ZNF407: variants seen among roughly 807,000 people sequenced by gnomAD.
ZNF407 encodes zinc finger protein 407.
In ZNF407, 17 loss-of-function variants were observed where a neutral mutation model predicts 131.2. That is an observed-to-expected ratio of 0.13 (90% CI 0.09 to 0.19). The LOEUF (loss-of-function observed/expected upper bound fraction) is 0.19, where lower values mean the gene tolerates loss of function less well. ZNF407 is among the 10% of genes least tolerant of loss of function. The pLI is 1.00. For missense variants in ZNF407, 2,681 were observed against 2,830.6 expected (o/e 0.95, Z 1.20); for synonymous variants, 1,156 against 1,062.0 (o/e 1.09, Z -1.72).
At chr18:74,651,603 T>C (rs563353813) in intron 3 of ZNF407, among the ~76,000 whole-genome samples, 1 of 152,272 alleles carries the variant, frequency 6.6e-6, no homozygotes, top group Admixed American at 6.5e-5. Context: ...ACTTAATTAA[T>C]GGGATGCATA....
intron 8 of ZNF407, among the ~76,000 whole-genome samples, chr18:75,006,536 G>A (rs980519717): frequency 5.9e-5 from 9 of 151,974 alleles, no homozygotes; most frequent in East Asian, 3.9e-4. Flanking sequence ...AATTGTCCTC[G>A]TACCTCCTGA....
At chr18:74,835,135 A>C (rs1970537300) in intron 4 of ZNF407, among the ~76,000 whole-genome samples, 1 of 152,110 alleles carries the variant, frequency 6.6e-6, no homozygotes, top group Non-Finnish European at 1.5e-5. Flanking sequence ...TCCAGCTCAT[A>C]GTCTTTTTCC....
At chr18:74,803,556 A>G (rs1004544302) in intron 4 of ZNF407, among the ~76,000 whole-genome samples, 1 of 152,174 alleles carries the variant, frequency 6.6e-6, no homozygotes, top group African/African-American at 2.4e-5. Context: ...TTTTCTTCCT[A>G]TATTTTAGCA....
intron 1 of ZNF407, among the ~76,000 whole-genome samples, chr18:74,602,076 A>G (rs1982608248): frequency 6.6e-6 from 1 of 152,228 alleles, no homozygotes; most frequent in African/African-American, 2.4e-5. Flanking sequence ...TCTTGTGACT[A>G]GAACATCTCC....
At chr18:74,819,566 G>A (rs376894548) in intron 4 of ZNF407, among the ~76,000 whole-genome samples, 1 of 152,142 alleles carries the variant, frequency 6.6e-6, no homozygotes, top group Non-Finnish European at 1.5e-5. Context: ...TGGGTTTGCC[G>A]CTCACAGGAG....
chr18:74,975,434 G>A (rs555465880), intron 8 of ZNF407, among the ~76,000 whole-genome samples: 1 of 152,240 alleles, frequency 6.6e-6, no homozygotes, highest in East Asian at 1.9e-4. Context: ...AGTGATAATT[G>A]TATTTACCAG....
intron 4 of ZNF407, among the ~76,000 whole-genome samples, chr18:74,830,480 G>A (rs1004783338): frequency 1.2e-4 from 19 of 152,012 alleles, no homozygotes; most frequent in African/African-American, 4.6e-4. Flanking sequence ...GTCAATATGG[G>A]GTTTTGATAC....
Position 74,634,670 on chromosome 18 carries a change from T to C in ZNF407, c.3651T>C (p.His1217=). The change falls in exon 2 of 9, where the codon CAT becomes CAC. Residue 1217 remains histidine, a synonymous_variant. Coordinates refer to ENST00000299687, the MANE Select transcript of ZNF407 (RefSeq NM_017757.3). Reference sequence around the variant, plus strand: ...ATTGTGAGACAGCAAAGAAAAACCATGAGATATCGAATGATGCAGGTGAGC... The same window carrying C: ...ATTGTGAGACAGCAAAGAAAAACCACGAGATATCGAATGATGCAGGTGAGC... ...ALNCETAKKN[H]EISNDAGELR... is the part of the protein sequence containing the mutation. The C allele has an allele frequency of 1.2e-6, 2 of 1,609,236 alleles. No individual in the cohort carries two copies. The highest frequency in any genetic ancestry group is 1.7e-6 in the Non-Finnish European group (2 of 1,175,848).
At chr18:75,020,492 C>G (rs1396371985) in intron 8 of ZNF407, among the ~76,000 whole-genome samples, 1 of 152,110 alleles carries the variant, frequency 6.6e-6, no homozygotes, top group Non-Finnish European at 1.5e-5. Flanking sequence ...TTATTTTTCT[C>G]CTATCGGAAG....
intron 3 of ZNF407, among the ~76,000 whole-genome samples, chr18:74,730,403 C>T (rs1968267432): frequency 6.6e-6 from 1 of 152,182 alleles, no homozygotes; most frequent in Admixed American, 6.5e-5. Context: ...TTAACCCCTT[C>T]CTGTTGATAC....
intron 7 of ZNF407, among the ~76,000 whole-genome samples, chr18:74,910,957 C>T (rs1971662158): frequency 1.3e-5 from 2 of 152,122 alleles, no homozygotes; most frequent in South Asian, 4.1e-4. Context: ...TAGTGTGATC[C>T]TCATAGACCT....
At chr18:74,649,535 T>G (rs908067124) in intron 3 of ZNF407, among the ~76,000 whole-genome samples, 2 of 152,256 alleles carry the variant, frequency 1.3e-5, no homozygotes, top group Non-Finnish European at 2.9e-5. Flanking sequence ...GTTTAAATAT[T>G]AAAGACATTT....
At position 74,781,420 on chromosome 18, in the gene ZNF407, T is replaced by C; in HGVS notation, c.4803-8T>C. On this transcript the variant is annotated splice_polypyrimidine_tract_variant and splice_region_variant and intron_variant, in intron 3 of 8. Transcript: ENST00000299687. ...TTAGTTTTATAATTACTTTTGTTTA[T>C]TTTTTAGGGTTGCTTTTGTAATGAA... is the stretch of plus-strand genomic sequence containing the variant. The C allele has an allele frequency of 6.5e-7, 1 of 1,532,302 alleles. No homozygotes were observed. Among genetic ancestry groups the C allele is most frequent in the East Asian group, 2.5e-5 (1 of 40,188 alleles). 94.9% of individuals were successfully genotyped at this position (1,532,302 alleles called of 1,614,324 possible). A position where few individuals can be genotyped will look rare whatever the true frequency, so the allele number is the denominator to read the frequency against.
intron 4 of ZNF407, among the ~76,000 whole-genome samples, chr18:74,852,552 A>G (rs989322769): frequency 2.0e-5 from 3 of 152,102 alleles, no homozygotes; most frequent in Non-Finnish European, 4.4e-5. Context: ...GTAATTTAAT[A>G]TTTTGAGCTC....
At chr18:74,717,977 A>C (rs1967935766) in intron 3 of ZNF407, among the ~76,000 whole-genome samples, 1 of 152,136 alleles carries the variant, frequency 6.6e-6, no homozygotes, top group African/African-American at 2.4e-5. Flanking sequence ...TTTTATTTTA[A>C]TTTTAGACTG....
chr18:74,845,813 A>G (rs1449065513), intron 4 of ZNF407, among the ~76,000 whole-genome samples: 1 of 152,206 alleles, frequency 6.6e-6, no homozygotes, highest in Non-Finnish European at 1.5e-5. Context: ...GAGAATAAGT[A>G]AATCCATTCA....
chr18:74,647,569 A>G (rs1025032444), intron 3 of ZNF407, among the ~76,000 whole-genome samples: 6 of 151,888 alleles, frequency 4.0e-5, no homozygotes, highest in African/African-American at 1.2e-4. Flanking sequence ...TTTCTTGTTA[A>G]CCTTCCTCTC....
chr18:75,045,275 G>GT (rs1973421926), intron 8 of ZNF407, among the ~76,000 whole-genome samples: 1 of 152,178 alleles, frequency 6.6e-6, no homozygotes, highest in Admixed American at 6.5e-5. Context: ...CTAACTGGTG[G>GT]TAAGTTATTC....
At chr18:74,932,406 A>G (rs1056828016) in intron 8 of ZNF407, among the ~76,000 whole-genome samples, 9 of 152,314 alleles carry the variant, frequency 5.9e-5, no homozygotes, top group Admixed American at 2.6e-4. Flanking sequence ...TTAAGCATGC[A>G]TGGGTTTGAA....
Sources: gnomAD v4.1 joint callset for allele counts (sites outside exome capture counted in the v4.1 genomes callset) on GRCh38, gnomAD v4.1.1 for gene constraint, MANE v1.5 for transcripts, NCBI Gene and HGNC (gene_info 2026-07-23, HGNC 2026-07-21) for gene names.